Variants in CIB2 observed in about 807,000 individuals in gnomAD.
The protein encoded by CIB2 is calcium and integrin binding family member 2.
A neutral mutation model predicts 23.1 loss-of-function variants in CIB2; 19 were observed. That is an observed-to-expected ratio of 0.82 (90% CI 0.57 to 1.21). CIB2 has a LOEUF of 1.21. Ranked by LOEUF, CIB2 falls within the 50% of genes most tolerant of loss-of-function variation. The probability of loss-of-function intolerance (pLI) is 0.00; values close to 1 mark genes in which losing one functional copy is unlikely to be tolerated. For synonymous variants in CIB2, 94 were observed against 91.7 expected, an observed-to-expected ratio of 1.03 and a Z score of -0.14; for missense variants, 220 against 241.5, an observed-to-expected ratio of 0.91 and a Z score of 0.59.
Position 78,123,737 on chromosome 15 carries a change from G to A in CIB2, c.54C>T (p.Asp18=), listed in dbSNP as rs767465950. 7.4e-6 allele frequency: 12 copies of A among 1,614,006 alleles called. No individual in the cohort carries two copies. The highest frequency in any genetic ancestry group is 6.7e-5 in the Admixed American group (4 of 60,010). Residue 18 remains aspartate, a splice_region_variant and synonymous_variant, in exon 2 of 6, where the codon GAC becomes GAT. Coordinates refer to ENST00000258930, the MANE Select transcript of CIB2 (RefSeq NM_006383.4). ...FTEEQLDNYQ[D]CTFFNKKDIL... is the part of the protein sequence containing the mutation. ...TGTCCTTCTTATTGAAGAAGGTGCA[G>A]TCCTGTTGAGGGAAAACACACAACA...
At chr15:78,130,943 G>A (rs1161074893) in intron 1 of CIB2, among the ~76,000 whole-genome samples, 1 of 152,194 alleles carries the variant, frequency 6.6e-6, no homozygotes, top group Non-Finnish European at 1.5e-5. Context: ...AGGCGCGCCT[G>A]AGAGGTTCTT....
intron 2 of CIB2, among the ~76,000 whole-genome samples, chr15:78,113,831 C>T (rs904368433): frequency 6.6e-6 from 1 of 152,192 alleles, no homozygotes; most frequent in Non-Finnish European, 1.5e-5. Flanking sequence ...ATAATTCATG[C>T]ATCTGGTACT....
intron 2 of CIB2, among the ~76,000 whole-genome samples, chr15:78,118,451 T>C (rs1175450227): frequency 1.3e-5 from 2 of 151,998 alleles, no homozygotes; most frequent in African/African-American, 4.8e-5. Flanking sequence ...CAGCCTGGCC[T>C]GGTGGCGCGT....
chr15:78,129,178 G>A (rs538390193), intron 1 of CIB2, among the ~76,000 whole-genome samples: 3 of 152,210 alleles, frequency 2.0e-5, no homozygotes, highest in African/African-American at 7.2e-5. Flanking sequence ...TTAGGGGAGA[G>A]GGTGCTGTAA....
rs147988517 is a variant in CIB2, at chr15:78,123,074, G to A, written c.86+631C>T. ...CTGGTCCTGGGGTTCTGAGGCTGCC[G>A]ATCCCCTTTATCTTTCCCATCCAGG... On this transcript the variant is annotated intron_variant, in intron 2 of 5. Coordinates refer to ENST00000258930, the MANE Select transcript of CIB2 (RefSeq NM_006383.4). Among the ~76,000 whole-genome samples the A allele has an allele frequency of 4.3e-3, 653 of 152,254 alleles. 3 individuals carry two copies. Among genetic ancestry groups the A allele is most frequent in the South Asian group, 0.015 (74 of 4,826 alleles).
chr15:78,120,549 T>G, intron 2 of CIB2: 9 of 985,298 alleles, frequency 9.1e-6, no homozygotes, highest in Non-Finnish European at 1.1e-5. Context: ...CAAGGGAAGT[T>G]GAAGTGCTAA....
At chr15:78,108,831 CCT>C (rs1459187601) in intron 4 of CIB2, among the ~76,000 whole-genome samples, 6 of 152,320 alleles carry the variant, frequency 3.9e-5, no homozygotes, top group East Asian at 1.9e-4. Flanking sequence ...CATACCGCCC[CCT>C]GTCCCACCAC....
rs770016279 is a variant in CIB2, at chr15:78,105,856, T to C, written c.425A>G (p.Glu142Gly). Reference protein sequence around the residue: ...LARLTKSELDEEEVVLVCDKV... With the variant: ...LARLTKSELDGEEVVLVCDKV... ...GTCGCACACAAGCACCACCTCCTCC[T>C]CATCCAGCTCTGACTTAGTGAGCCG... Residue 142 changes from glutamate to glycine, a missense_variant, in exon 5 of 6, where the codon GAG becomes GGG. Transcript: ENST00000258930. 6.2e-7 allele frequency: 1 copy of C among 1,614,060 alleles called. No individual in the cohort carries two copies. The highest frequency in any genetic ancestry group is 1.3e-5 in the African/African-American group (1 of 74,912).
At chr15:78,108,943 C>T (rs919809993) in intron 4 of CIB2, among the ~76,000 whole-genome samples, 1 of 150,686 alleles carries the variant, frequency 6.6e-6, no homozygotes, top group Non-Finnish European at 1.5e-5. Context: ...TTCTCCAGTC[C>T]AAGCCTCTGC....
At chr15:78,109,465 A>C (rs1194187001) in intron 3 of CIB2, 83 bp from the exon 4 acceptor site, 9 of 1,542,150 alleles carry the variant, frequency 5.8e-6, no homozygotes, top group Non-Finnish European at 8.0e-6. Flanking sequence ...AGCCTGTGTG[A>C]CCCTGGAGGA....
Position 78,105,013 on chromosome 15 carries a change from G to T in CIB2, c.*298C>A, listed in dbSNP as rs112196879. ...GGGTTATCTGCTTTTCCCTCTTTGGGGGGGTGGGGAGCATTTCTGGAGTAG... is the reference window on the plus strand; with the variant it reads ...GGGTTATCTGCTTTTCCCTCTTTGGTGGGGTGGGGAGCATTTCTGGAGTAG... On this transcript the variant is annotated 3_prime_UTR_variant, in exon 6 of 6. Coordinates refer to ENST00000258930, the MANE Select transcript of CIB2 (RefSeq NM_006383.4). 41,177 of 433,530 alleles carry T rather than the reference G, an allele frequency of 0.095. 2,309 individuals carry two copies. The highest frequency in any genetic ancestry group is 0.12 in the Non-Finnish European group (26,899 of 233,484). The allele number at this position is 433,530 out of a possible 1,614,324, so 26.9% of individuals were successfully genotyped here. A position where few individuals can be genotyped will look rare whatever the true frequency, so the allele number is the denominator to read the frequency against.
intron 2 of CIB2, among the ~76,000 whole-genome samples, chr15:78,111,660 A>G (rs1057104487): frequency 6.6e-6 from 1 of 152,158 alleles, no homozygotes; most frequent in Non-Finnish European, 1.5e-5. Context: ...ATCCTCCTCC[A>G]CATCACTGTG....
chr15:78,118,460 G>A (rs1288500002), intron 2 of CIB2, among the ~76,000 whole-genome samples: 3 of 151,412 alleles, frequency 2.0e-5, no homozygotes, highest in Middle Eastern at 3.4e-3. Context: ...CTGGTGGCGC[G>A]TGCCTATAAC....
At chr15:78,105,404 G>T (rs998004958) in intron 5 of CIB2, 72 bp from the exon 6 acceptor site, 10 of 1,605,326 alleles carry the variant, frequency 6.2e-6, no homozygotes, top group Non-Finnish European at 7.7e-6. Flanking sequence ...TCAGGGAAAA[G>T]CACAGCAGGC....
At chr15:78,109,196 C>T (rs2289523) in intron 4 of CIB2, 39 bp downstream of exon 4, 4 of 1,219,690 alleles carry the variant, frequency 3.3e-6, no homozygotes, top group Non-Finnish European at 4.6e-6. Flanking sequence ...ACATGTTCCC[C>T]CACCGCATAT....
intron 1 of CIB2, among the ~76,000 whole-genome samples, chr15:78,126,958 T>C (rs1326525801): frequency 6.6e-6 from 1 of 152,178 alleles, no homozygotes; most frequent in East Asian, 1.9e-4. Flanking sequence ...GGAAAAGGTT[T>C]GGTAGTCAGG....
intron 1 of CIB2, among the ~76,000 whole-genome samples, chr15:78,126,557 C>T (rs926917782): frequency 8.5e-5 from 13 of 152,202 alleles, no homozygotes; most frequent in African/African-American, 3.1e-4. Flanking sequence ...CAAACAGAGC[C>T]ATGACCACTG....
chr15:78,127,134 A>G (rs8036417), intron 1 of CIB2, among the ~76,000 whole-genome samples: 43,039 of 152,048 alleles, frequency 0.28, 6,554 homozygotes, highest in African/African-American at 0.41. Context: ...AGGAAAGAGT[A>G]CAACAGCTCC....
intron 3 of CIB2, 81 bp downstream of exon 3, chr15:78,111,084 G>A (rs2074151501): frequency 1.7e-6 from 2 of 1,203,030 alleles, no homozygotes; most frequent in African/African-American, 1.5e-5. Context: ...GTGGAGCTGG[G>A]TTCAGCCTAG....
Sources: allele counts gnomAD v4.1 joint callset (sites outside exome capture counted in the v4.1 genomes callset), GRCh38; gene constraint gnomAD v4.1.1; transcripts MANE v1.5; gene names NCBI Gene and HGNC (gene_info 2026-07-23, HGNC 2026-07-21).